G6PC1: variants seen among roughly 807,000 people sequenced by gnomAD.
G6PC1 encodes the protein glucose-6-phosphatase catalytic subunit 1.
G6PC1 carries 23 observed loss-of-function variants against 30.4 expected under a neutral mutation model. That is an observed-to-expected ratio of 0.76 (90% confidence interval 0.55 to 1.07). The LOEUF is 1.07. G6PC1 is among the 50% of genes least tolerant of loss of function. The probability of loss-of-function intolerance (pLI) is 0.00; values close to 1 mark genes in which losing one functional copy is unlikely to be tolerated. For synonymous variants in G6PC1, 163 were observed against 175.6 expected, an observed-to-expected ratio of 0.93 and a Z score of 0.57; for missense variants, 391 against 433.9, an observed-to-expected ratio of 0.90 and a Z score of 0.88.
intron 1 of G6PC1, 22 bp from the exon 2 acceptor site, chr17:42,903,909 A>G: frequency 6.6e-7 from 1 of 1,516,864 alleles, no homozygotes; most frequent in Non-Finnish European, 9.2e-7. Context: ...TAACCCCAGA[A>G]ACTTGTTCTG....
At chr17:42,906,468 A>G (rs161634) in intron 2 of G6PC1, among the ~76,000 whole-genome samples, 23,651 of 152,150 alleles carry the variant, frequency 0.16, 2,273 homozygotes, top group African/African-American at 0.26. Flanking sequence ...TGAGAGCAGA[A>G]AGCCATCTAC....
At chr17:42,910,793 C>A in intron 4 of G6PC1, 122 bp from the exon 5 acceptor site, 1 of 940,344 alleles carries the variant, frequency 1.1e-6, no homozygotes, top group South Asian at 1.3e-5. Flanking sequence ...CTCCCATCTG[C>A]CATCTGTGAT....
In G6PC1 at chr17:42,911,416, A is replaced by T. The variant is rs777825445; in HGVS notation, c.1064A>T (p.Lys355Met). ...CAGGTCCTGGGCCAGCCGCACAAGA[A>T]GTCGTTGTAAGAGATGTGGAGTCTT... The part of the protein sequence containing the change: ...LAQVLGQPHK[K>M]SL Residue 355 changes from lysine to methionine, a missense_variant, in exon 5 of 5, where the codon AAG (lysine) becomes ATG (methionine). Transcript: ENST00000253801. 1 of 1,614,064 alleles carries T rather than the reference A, an allele frequency of 6.2e-7. No individual in the cohort carries two copies. The highest frequency in any genetic ancestry group is 1.3e-5 in the African/African-American group (1 of 74,924).
rs186556135 is a variant in G6PC1, at chr17:42,914,037, C to G, written c.*2611C>G. On this transcript the variant is annotated 3_prime_UTR_variant, in exon 5 of 5. Transcript: ENST00000253801. ...CTACTGGATTTGGGCTCTCAGAGGG[C>G]GTTGTGGGAACCAGGCCCCTCACAG... 1.3e-4 allele frequency among the ~76,000 whole-genome samples: 20 copies of G among 151,898 alleles called. No individual in the cohort carries two copies. The East Asian group carries it at 3.7e-3, about 28-fold the overall frequency.
At chr17:42,907,695 C>A in intron 3 of G6PC1, 67 bp downstream of exon 3, 1 of 1,095,318 alleles carries the variant, frequency 9.1e-7, no homozygotes, top group Non-Finnish European at 1.4e-6. Context: ...AGCTGACACA[C>A]CACGTATTCT....
intron 1 of G6PC1, among the ~76,000 whole-genome samples, chr17:42,902,576 AGT>A (rs2056033234): frequency 6.6e-6 from 1 of 152,150 alleles, no homozygotes; most frequent in African/African-American, 2.4e-5. Flanking sequence ...AAAAAGATGA[AGT>A]GTTATTCCAA....
chr17:42,904,504 C>G (rs1248861928), intron 2 of G6PC1, among the ~76,000 whole-genome samples: 1 of 152,184 alleles, frequency 6.6e-6, no homozygotes, highest in Non-Finnish European at 1.5e-5. Context: ...TAGGAAGCCC[C>G]TCCCTCACCC....
intron 2 of G6PC1, among the ~76,000 whole-genome samples, chr17:42,905,477 T>C (rs969999630): frequency 4.2e-4 from 33 of 79,324 alleles, no homozygotes; most frequent in African/African-American, 6.1e-4. Context: ...CACACACACA[T>C]ATAATACTAG....
chr17:42,901,748 G>T (rs1207491301), intron 1 of G6PC1, among the ~76,000 whole-genome samples: 1 of 151,952 alleles, frequency 6.6e-6, no homozygotes, highest in Non-Finnish European at 1.5e-5. Context: ...ATGAAAAAAG[G>T]AAACACACAG....
chr17:42,908,876 T>A (rs1282572107), intron 3 of G6PC1, among the ~76,000 whole-genome samples: 1 of 151,020 alleles, frequency 6.6e-6, no homozygotes, highest in Non-Finnish European at 1.5e-5. Context: ...GCTAATTTTG[T>A]AATTTTTTTT....
chr17:42,907,481 G>A (rs757173918), intron 2 of G6PC1, 42 bp from the exon 3 acceptor site: 2 of 1,397,558 alleles, frequency 1.4e-6, no homozygotes, highest in African/African-American at 1.4e-5. Context: ...TCCCAGATGA[G>A]GACCTTTTCA....
rs574024936 is a variant in G6PC1 at position 42,906,046 on chromosome 17, G to GAAA, written c.341-1465_341-1463dup. Among the ~76,000 whole-genome samples the GAAA allele has an allele frequency of 6.9e-3, 894 of 130,064 alleles. 8 individuals carry two copies. Among genetic ancestry groups the GAAA allele is most frequent in the African/African-American group, 0.023 (826 of 35,534 alleles). 85.3% of individuals were successfully genotyped at this position (130,064 alleles called of 152,430 possible). A position where few individuals can be genotyped will look rare whatever the true frequency, so the allele number is the denominator to read the frequency against. On this transcript the variant is annotated intron_variant, in intron 2 of 4. Coordinates refer to ENST00000253801, the MANE Select transcript of G6PC1 (RefSeq NM_000151.4). Reference sequence around the variant, plus strand: ...TGGTGACAGAGAAAGATTCTGTCAGGAAAAAAAAAAAAAAGTTTAAATGAA... The same window carrying GAAA: ...TGGTGACAGAGAAAGATTCTGTCAGGAAAAAAAAAAAAAAAAAGTTTAAATGAA...
intron 2 of G6PC1, among the ~76,000 whole-genome samples, chr17:42,905,766 G>A (rs2056058306): frequency 6.6e-6 from 1 of 152,000 alleles, no homozygotes; most frequent in African/African-American, 2.4e-5. Context: ...AAGTAGGCCG[G>A]GCGCGGTGGC....
At position 42,900,893 on chromosome 17, in the gene G6PC1, A is replaced by G. The variant is rs776795347; in HGVS notation, c.17A>G (p.Asn6Ser). 1.9e-6 allele frequency: 3 copies of G among 1,613,874 alleles called. No individual in the cohort carries two copies. The South Asian group carries it at 3.3e-5, about 18-fold the overall frequency. Residue 6 changes from asparagine to serine, a missense_variant, in exon 1 of 5, where the codon AAT becomes AGT. Physicochemically the swap from Asn to Ser is conservative, Grantham distance 46. Transcript: ENST00000253801. Reference sequence around the variant, plus strand: ...GAAATGAGGATGGAGGAAGGAATGAATGTTCTCCATGACTTTGGGATCCAG... The same window carrying G: ...GAAATGAGGATGGAGGAAGGAATGAGTGTTCTCCATGACTTTGGGATCCAG... MEEGM[N>S]VLHDFGIQST...
intron 2 of G6PC1, among the ~76,000 whole-genome samples, chr17:42,907,083 G>A (rs2056066470): frequency 1.3e-5 from 2 of 152,150 alleles, no homozygotes; most frequent in Admixed American, 1.3e-4. Context: ...GTGGGAACGT[G>A]TTTGGTGTGT....
rs1458659092 is a variant in G6PC1, at chr17:42,912,485, G to C, written c.*1059G>C. 6.6e-6 allele frequency: 1 copy of C among 152,374 alleles called. No homozygotes were observed. Among genetic ancestry groups the C allele is most frequent in the Non-Finnish European group, 1.5e-5 (1 of 68,076 alleles). The allele number at this position is 152,374 out of a possible 1,614,324, so 9.4% of individuals were successfully genotyped here. On this transcript the variant is annotated 3_prime_UTR_variant, in exon 5 of 5. Coordinates refer to ENST00000253801, the MANE Select transcript of G6PC1 (RefSeq NM_000151.4). ...CTTTTGTATGTTTCAATTAGGCTCT[G>C]AAATCTTGGGCAAAATGACAAGGGG...
chr17:42,909,479 T>C, intron 4 of G6PC1, 61 bp downstream of exon 4: 2 of 1,233,744 alleles, frequency 1.6e-6, no homozygotes, highest in African/African-American at 3.0e-5. Flanking sequence ...CTCTCCCTAA[T>C]CAGGACAAAA....
At chr17:42,904,730 G>A (rs1020713721) in intron 2 of G6PC1, among the ~76,000 whole-genome samples, 5 of 152,212 alleles carry the variant, frequency 3.3e-5, no homozygotes, top group Non-Finnish European at 5.9e-5. Context: ...GGATACCTCT[G>A]TCAGTGAACA....
Position 42,911,061 on chromosome 17 carries a change from A to C in G6PC1, c.709A>C (p.Thr237Pro), listed in dbSNP as rs1723841139. The C allele has an allele frequency of 1.9e-6, 3 of 1,612,294 alleles. No individual in the cohort carries two copies. The highest frequency in any genetic ancestry group is 1.7e-5 in the Admixed American group (1 of 59,850). The change falls in exon 5 of 5, where the codon ACT becomes CCT. Residue 237 changes from threonine (T) to proline (P), a missense_variant. Coordinates refer to ENST00000253801, the MANE Select transcript of G6PC1 (RefSeq NM_000151.4). ...GGGACTGGGTGTAGACCTCCTGTGG[A>C]CTCTGGAGAAAGCCCAGAGGTGGTG... ...LKGLGVDLLWTLEKAQRWCEQ... is the reference protein window; with the variant it reads ...LKGLGVDLLWPLEKAQRWCEQ...
Sources: allele counts gnomAD v4.1 joint callset (sites outside exome capture counted in the v4.1 genomes callset), GRCh38; gene constraint gnomAD v4.1.1; transcripts MANE v1.5; gene names NCBI Gene and HGNC (gene_info 2026-07-23, HGNC 2026-07-21).